Variants in WDR72 observed in about 807,000 individuals in gnomAD.
The protein encoded by WDR72 is WD repeat-containing protein 72.
WDR72 carries 120 observed loss-of-function variants against 124.2 expected under a neutral mutation model. The ratio of observed to expected loss-of-function variants is 0.97; its 90% CI spans 0.83 to 1.12. The LOEUF (loss-of-function observed/expected upper bound fraction) is 1.12. WDR72 is among the 50% of genes most tolerant of loss of function. WDR72 has a pLI of 0.00. For missense variants in WDR72, 1,387 were observed against 1,278.8 expected (o/e 1.08, Z -1.29); for synonymous variants, 452 against 441.7 (o/e 1.02, Z -0.29).
At chr15:53,672,450 C>T (rs1290831844) in intron 13 of WDR72, among the ~76,000 whole-genome samples, 1 of 152,122 alleles carries the variant, frequency 6.6e-6, no homozygotes, top group African/African-American at 2.4e-5. Context: ...TGCTAAAATA[C>T]AGCCCTCTTG....
At chr15:53,559,236 T>C (rs1894044480) in intron 18 of WDR72, among the ~76,000 whole-genome samples, 1 of 151,948 alleles carries the variant, frequency 6.6e-6, no homozygotes, top group Non-Finnish European at 1.5e-5. Context: ...CTTTTAGCCA[T>C]GGACTAGAAA....
intron 16 of WDR72, among the ~76,000 whole-genome samples, chr15:53,612,804 G>A (rs1251704130): frequency 1.3e-5 from 2 of 151,966 alleles, no homozygotes; most frequent in Non-Finnish European, 1.5e-5. Context: ...CTGCTTGGGT[G>A]GGAACAGAGT....
chr15:53,578,482 A>G (rs2011737921), intron 18 of WDR72, among the ~76,000 whole-genome samples: 1 of 152,100 alleles, frequency 6.6e-6, no homozygotes, highest in Non-Finnish European at 1.5e-5. Flanking sequence ...GAAAACATTT[A>G]AAATAAATAA....
intron 18 of WDR72, among the ~76,000 whole-genome samples, chr15:53,550,088 T>C (rs1156739521): frequency 6.6e-6 from 1 of 152,158 alleles, no homozygotes; most frequent in Non-Finnish European, 1.5e-5. Context: ...CACTGATTGG[T>C]GGAAAGCACT....
chr15:53,626,044 T>C (rs961302706), intron 14 of WDR72, among the ~76,000 whole-genome samples: 3 of 152,160 alleles, frequency 2.0e-5, no homozygotes, highest in African/African-American at 7.2e-5. Context: ...GATCCCCCAC[T>C]GAGTTTGTTG....
intron 1 of WDR72, among the ~76,000 whole-genome samples, chr15:53,758,559 A>T (rs2018974002): frequency 6.6e-6 from 1 of 152,158 alleles, no homozygotes; most frequent in African/African-American, 2.4e-5. Context: ...GCTGCACAAG[A>T]CCAACTTAAC....
At chr15:53,675,465 G>A (rs117099534) in intron 13 of WDR72, among the ~76,000 whole-genome samples, 2,582 of 151,918 alleles carry the variant, frequency 0.017, 27 homozygotes, top group Non-Finnish European at 0.029. Context: ...TAAGTATAAC[G>A]TAAAGAATAC....
chr15:53,680,654 A>C (rs1407766154), intron 13 of WDR72, among the ~76,000 whole-genome samples: 1 of 152,234 alleles, frequency 6.6e-6, no homozygotes, highest in Non-Finnish European at 1.5e-5. Flanking sequence ...TAAATTTTCT[A>C]AATTTTTTAT....
chr15:53,703,828 T>C (rs1048424683), intron 11 of WDR72, among the ~76,000 whole-genome samples: 1 of 152,190 alleles, frequency 6.6e-6, no homozygotes, highest in African/African-American at 2.4e-5. Flanking sequence ...GAAACTTCTA[T>C]TCCTTCAGGC....
intron 18 of WDR72, among the ~76,000 whole-genome samples, chr15:53,566,839 T>A (rs1307901725): frequency 1.3e-5 from 2 of 152,022 alleles, no homozygotes; most frequent in Non-Finnish European, 2.9e-5. Context: ...GTAATATTCA[T>A]GAAATAGTCC....
chr15:53,564,837 C>T (rs773949044), intron 18 of WDR72, among the ~76,000 whole-genome samples: 3 of 151,660 alleles, frequency 2.0e-5, no homozygotes, highest in Non-Finnish European at 4.4e-5. Context: ...TAGGCAAGTA[C>T]GATAATAAGC....
At chr15:53,713,434 T>A (rs2017610702) in intron 6 of WDR72, among the ~76,000 whole-genome samples, 1 of 149,014 alleles carries the variant, frequency 6.7e-6, no homozygotes, top group South Asian at 2.1e-4. Context: ...TTTTATTTTA[T>A]TTTATTTTAT....
chr15:53,741,386 C>T (rs1444160959), intron 1 of WDR72, among the ~76,000 whole-genome samples: 3 of 152,172 alleles, frequency 2.0e-5, no homozygotes, highest in Non-Finnish European at 4.4e-5. Context: ...CGATCTCGAA[C>T]AATCCAGATT....
At chr15:53,529,165 T>TATATATATATATATATATACATA (rs1555404361) in intron 18 of WDR72, among the ~76,000 whole-genome samples, 2 of 89,100 alleles carry the variant, frequency 2.2e-5, no homozygotes, top group African/African-American at 9.2e-5. Flanking sequence ...TATATATATA[T>TATATATATATATATATATACATA]TTTTTTTTTT....
At chr15:53,553,659 T>A (rs1893824183) in intron 18 of WDR72, among the ~76,000 whole-genome samples, 1 of 152,142 alleles carries the variant, frequency 6.6e-6, no homozygotes, top group African/African-American at 2.4e-5. Context: ...AACAGCAAGG[T>A]GATTTTATGA....
In WDR72 at chr15:53,514,728, C is replaced by T. The variant is rs1891339015; in HGVS notation, c.*2971G>A. ...TGTGTTTCTAACATTATACATTTTT[C>T]CTTATATTTGAAGTGTTTAATAGTG... On this transcript the variant is annotated 3_prime_UTR_variant, in exon 20 of 20. Coordinates refer to ENST00000360509, the MANE Select transcript of WDR72 (RefSeq NM_182758.4). 1 of 151,876 alleles carries T rather than the reference C, an allele frequency of 6.6e-6. No individual in the cohort carries two copies. The highest frequency in any genetic ancestry group is 2.1e-4 in the South Asian group (1 of 4,804). The allele number at this position is 151,876 out of a possible 1,614,324, so 9.4% of individuals were successfully genotyped here.
intron 14 of WDR72, among the ~76,000 whole-genome samples, chr15:53,630,915 A>G (rs1479295828): frequency 6.6e-6 from 1 of 152,232 alleles, no homozygotes; most frequent in Non-Finnish European, 1.5e-5. Flanking sequence ...AAGGAAGTAA[A>G]ACTGTCTATA....
At chr15:53,572,445 C>G (rs1894571257) in intron 18 of WDR72, among the ~76,000 whole-genome samples, 1 of 151,852 alleles carries the variant, frequency 6.6e-6, no homozygotes, top group African/African-American at 2.4e-5. Flanking sequence ...ATATTTTCCC[C>G]TCACATTGAA....
chr15:53,554,201 T>A (rs1309792392), intron 18 of WDR72, among the ~76,000 whole-genome samples: 2 of 152,188 alleles, frequency 1.3e-5, no homozygotes, highest in Non-Finnish European at 1.5e-5. Flanking sequence ...CTCTTCATGT[T>A]AAACTCTTGC....
Sources: allele counts gnomAD v4.1 joint callset (sites outside exome capture counted in the v4.1 genomes callset), GRCh38; gene constraint gnomAD v4.1.1; transcripts MANE v1.5; gene names NCBI Gene and HGNC (gene_info 2026-07-23, HGNC 2026-07-21).